The following PCDH9 variants were observed in gnomAD, a reference collection of about 807,000 sequenced individuals.
The protein encoded by PCDH9 is protocadherin 9, also known as protocadherin-9.
A neutral mutation model predicts 70.6 loss-of-function variants in PCDH9; 24 were observed. That is an observed-to-expected ratio of 0.34 (90% CI 0.25 to 0.48). The LOEUF (loss-of-function observed/expected upper bound fraction) is 0.48. Among genes scored for constraint, PCDH9 ranks in the 20% least tolerant of loss-of-function variants. PCDH9 has a pLI of 0.99. For missense variants in PCDH9, 1,281 were observed against 1,503.6 expected (o/e 0.85, Z 2.45); for synonymous variants, 562 against 558.5 (o/e 1.01, Z -0.09).
chr13:67,170,118 C>T (rs553705516), intron 2 of PCDH9, among the ~76,000 whole-genome samples: 12 of 152,290 alleles, frequency 7.9e-5, no homozygotes, highest in Middle Eastern at 3.4e-3. Context: ...ATATTATTCA[C>T]AGGTATCAGT....
chr13:66,713,574 T>C (rs1045400643), intron 3 of PCDH9, among the ~76,000 whole-genome samples: 1 of 146,806 alleles, frequency 6.8e-6, no homozygotes, highest in African/African-American at 2.5e-5. Context: ...CCTAATTACA[T>C]ATATATATAT....
intron 2 of PCDH9, among the ~76,000 whole-genome samples, chr13:67,087,693 TG>T: frequency 6.6e-6 from 1 of 152,040 alleles, no homozygotes; most frequent in Non-Finnish European, 1.5e-5. Flanking sequence ...CAGGCCAATG[TG>T]TTTTTTTCTT....
chr13:67,210,966 T>A (rs1284289922), intron 2 of PCDH9: 1 of 152,016 alleles, frequency 6.6e-6, no homozygotes, highest in Non-Finnish European at 1.5e-5. Flanking sequence ...AATTGGTTAC[T>A]ACAGACAGAG....
At chr13:67,071,716 C>T (rs2085766974) in intron 2 of PCDH9, among the ~76,000 whole-genome samples, 1 of 151,428 alleles carries the variant, frequency 6.6e-6, no homozygotes, top group African/African-American at 2.4e-5. Context: ...CTGGGGAAAC[C>T]CAATCTCTAC....
chr13:67,157,610 G>A (rs2087848252), intron 2 of PCDH9, among the ~76,000 whole-genome samples: 1 of 152,124 alleles, frequency 6.6e-6, no homozygotes, highest in South Asian at 2.1e-4. Context: ...GTCTGTAACT[G>A]AGTGATTTCT....
intron 3 of PCDH9, among the ~76,000 whole-genome samples, chr13:66,721,571 C>T (rs1160936515): frequency 1.3e-5 from 2 of 151,950 alleles, no homozygotes; most frequent in Non-Finnish European, 2.9e-5. Context: ...CATGACAGAA[C>T]TCATGTTCAT....
intron 2 of PCDH9, among the ~76,000 whole-genome samples, chr13:67,110,642 C>T (rs1418309065): frequency 6.6e-6 from 1 of 151,694 alleles, no homozygotes; most frequent in Non-Finnish European, 1.5e-5. Context: ...AAGCATTATA[C>T]ACATAATATT....
intron 3 of PCDH9, among the ~76,000 whole-genome samples, chr13:66,703,715 T>C (rs1276665577): frequency 3.3e-5 from 5 of 151,972 alleles, no homozygotes; most frequent in Non-Finnish European, 7.4e-5. Context: ...GGCAACGTGG[T>C]GAGACCCCCG....
rs949044322 is a variant in PCDH9, at chr13:67,053,217, A to G, written c.3037-149612T>C. On this transcript the variant is annotated intron_variant, in intron 2 of 4. Transcript: ENST00000377865. ...ATTTTTTTAAATGGAAAAAAAGAGG[A>G]ATTTGTAGCAGAGCTTTGTCCAAAA... Among the ~76,000 whole-genome samples, 6 of 152,302 alleles carry G rather than the reference A, an allele frequency of 3.9e-5. No individual in the cohort carries two copies. In the East Asian group the frequency reaches 1.2e-3, roughly 29 times the overall value.
chr13:66,782,099 T>C (rs1053346983), intron 3 of PCDH9, among the ~76,000 whole-genome samples: 1 of 152,134 alleles, frequency 6.6e-6, no homozygotes, highest in Non-Finnish European at 1.5e-5. Context: ...CTATTACACC[T>C]TTCCTGGTGA....
chr13:66,464,972 G>A (rs555318674), intron 4 of PCDH9, among the ~76,000 whole-genome samples: 1 of 151,870 alleles, frequency 6.6e-6, no homozygotes, highest in Admixed American at 6.6e-5. Context: ...ATATCATCTT[G>A]CTATATTGAA....
At chr13:66,419,746 G>A (rs1281271938) in intron 4 of PCDH9, among the ~76,000 whole-genome samples, 3 of 150,618 alleles carry the variant, frequency 2.0e-5, no homozygotes, top group Non-Finnish European at 2.9e-5. Flanking sequence ...CAGACACTGA[G>A]CTAGCTAGCT....
intron 3 of PCDH9, among the ~76,000 whole-genome samples, chr13:66,845,646 A>C (rs528269168): frequency 6.6e-6 from 1 of 152,286 alleles, no homozygotes; most frequent in African/African-American, 2.4e-5. Flanking sequence ...CTAGGAGGGC[A>C]GTGCTCCTGC....
intron 2 of PCDH9, among the ~76,000 whole-genome samples, chr13:66,934,869 C>T (rs187694531): frequency 0.026 from 3,886 of 147,558 alleles, 108 homozygotes; most frequent in East Asian, 0.13. Context: ...TACAGGCGCC[C>T]GCTACCACGC....
chr13:66,623,066 T>G (rs1345043051), intron 4 of PCDH9, among the ~76,000 whole-genome samples: 1 of 152,018 alleles, frequency 6.6e-6, no homozygotes, highest in Non-Finnish European at 1.5e-5. Flanking sequence ...AGGAAGAAAC[T>G]CCGAACACAT....
At chr13:66,592,216 AAAC>A (rs758784385) in intron 4 of PCDH9, among the ~76,000 whole-genome samples, 3 of 151,892 alleles carry the variant, frequency 2.0e-5, no homozygotes, top group Non-Finnish European at 4.4e-5. Context: ...GTGTTCAACA[AAAC>A]AACAACAAAA....
chr13:67,100,456 C>T (rs942656188), intron 2 of PCDH9, among the ~76,000 whole-genome samples: 1 of 152,078 alleles, frequency 6.6e-6, no homozygotes, highest in Non-Finnish European at 1.5e-5. Context: ...TTATTTATAT[C>T]TTGAATCATA....
intron 4 of PCDH9, among the ~76,000 whole-genome samples, chr13:66,585,422 G>A (rs61956028): frequency 6.6e-6 from 1 of 151,992 alleles, no homozygotes; most frequent in Non-Finnish European, 1.5e-5. Context: ...ATTTTTAACA[G>A]ATTCTTATCT....
chr13:66,907,404 A>T (rs1002397092), intron 2 of PCDH9, among the ~76,000 whole-genome samples: 7 of 152,170 alleles, frequency 4.6e-5, no homozygotes, highest in Admixed American at 6.5e-5. Context: ...TTCAATGAAA[A>T]TCACTGAAAG....
Sources: allele counts gnomAD v4.1 joint callset (sites outside exome capture counted in the v4.1 genomes callset), GRCh38; gene constraint gnomAD v4.1.1; transcripts MANE v1.5; gene names NCBI Gene and HGNC (gene_info 2026-07-23, HGNC 2026-07-21).